Variants in CHLSN observed in about 807,000 individuals in gnomAD.
CHLSN encodes the protein cholesin, also known as protein cholesin.
the CHLSN span, among the ~76,000 whole-genome samples, chr7:1,068,396 G>A: frequency 2.0e-5 from 3 of 152,094 alleles, no homozygotes; most frequent in African/African-American, 7.2e-5. Context: ...CAGCCCCGGG[G>A]GTCTGTGACT....
the CHLSN span, among the ~76,000 whole-genome samples, chr7:1,017,751 G>A: frequency 3.3e-5 from 5 of 152,166 alleles, no homozygotes; most frequent in East Asian, 1.9e-4. Context: ...AGCCGCGGAC[G>A]GCGGGGAAGG....
chr7:1,136,183 ATT>A, the CHLSN span, among the ~76,000 whole-genome samples: 5 of 97,720 alleles, frequency 5.1e-5, no homozygotes, highest in Admixed American at 2.3e-4. Flanking sequence ...AATATACATA[ATT>A]ATAAATATAT....
chr7:988,338 C>G, the CHLSN span: 8 of 1,612,602 alleles, frequency 5.0e-6, no homozygotes, highest in Non-Finnish European at 6.8e-6. Flanking sequence ...TGGCAGACCC[C>G]AGGCCAGTTC....
the CHLSN span, among the ~76,000 whole-genome samples, chr7:1,072,056 G>A: frequency 1.3e-5 from 2 of 152,102 alleles, no homozygotes; most frequent in African/African-American, 2.4e-5. Context: ...CAGCGCTCAG[G>A]ATGGAAGAGC....
chr7:1,070,279 G>A, the CHLSN span, among the ~76,000 whole-genome samples: 1 of 143,906 alleles, frequency 6.9e-6, no homozygotes, highest in Admixed American at 6.8e-5. Context: ...CCCCCCGCCC[G>A]GCCAGCCGCC....
At chr7:988,708 G>A in the CHLSN span, 2 of 1,599,628 alleles carry the variant, frequency 1.3e-6, no homozygotes, top group African/African-American at 2.7e-5. Flanking sequence ...TCCTGCAGAG[G>A]TACCGCCTGC....
the CHLSN span, among the ~76,000 whole-genome samples, chr7:1,084,238 A>C: frequency 2.6e-5 from 4 of 152,206 alleles, no homozygotes; most frequent in Non-Finnish European, 5.9e-5. Flanking sequence ...GCCTGTGAGG[A>C]TCGGATGCCC....
the CHLSN span, among the ~76,000 whole-genome samples, chr7:1,050,349 G>A: frequency 1.3e-5 from 2 of 152,266 alleles, no homozygotes; most frequent in African/African-American, 4.8e-5. Context: ...GAGCAGAGCA[G>A]GGAGCCGTCC....
At chr7:993,454 C>T in the CHLSN span, among the ~76,000 whole-genome samples, 5 of 152,104 alleles carry the variant, frequency 3.3e-5, no homozygotes, top group South Asian at 2.1e-4. Flanking sequence ...AGCGCCGGCC[C>T]GGGCTGGAAG....
chr7:1,036,312 G>A, the CHLSN span, among the ~76,000 whole-genome samples: 32 of 151,782 alleles, frequency 2.1e-4, no homozygotes, highest in Admixed American at 1.6e-3. Flanking sequence ...TGCTGTGGCC[G>A]TGCAGGGTTC....
At chr7:1,068,383 G>A in the CHLSN span, among the ~76,000 whole-genome samples, 1 of 152,200 alleles carries the variant, frequency 6.6e-6, no homozygotes, top group Admixed American at 6.5e-5. Context: ...GCAGGGAGCA[G>A]GACAGCCCCG....
the CHLSN span, chr7:1,093,587 G>C: frequency 2.1e-6 from 1 of 471,178 alleles, no homozygotes; most frequent in Non-Finnish European, 4.4e-6. Flanking sequence ...CATCAACATG[G>C]CAATTGCACT....
At chr7:1,005,557 C>A in the CHLSN span, among the ~76,000 whole-genome samples, 9 of 152,244 alleles carry the variant, frequency 5.9e-5, no homozygotes, top group Non-Finnish European at 1.3e-4. Flanking sequence ...TGTCCCTCGG[C>A]AGCGGGGCAG....
chr7:1,100,145 C>A, the CHLSN span, among the ~76,000 whole-genome samples: 1 of 152,198 alleles, frequency 6.6e-6, no homozygotes, highest in African/African-American at 2.4e-5. Context: ...CTATACATGC[C>A]ACTTGCCTTT....
the CHLSN span, among the ~76,000 whole-genome samples, chr7:1,062,060 C>T: frequency 2.6e-5 from 4 of 152,352 alleles, no homozygotes; most frequent in East Asian, 1.9e-4. Flanking sequence ...TTTTTCAGCG[C>T]GTGACGTCCC....
the CHLSN span, chr7:1,059,028 A>G: frequency 5.6e-6 from 1 of 180,016 alleles, no homozygotes; most frequent in Admixed American, 5.5e-5. Flanking sequence ...CGCAGTCACC[A>G]CAGGGTTCTG....
chr7:1,130,453 G>T, the CHLSN span, among the ~76,000 whole-genome samples: 1 of 152,240 alleles, frequency 6.6e-6, no homozygotes, highest in East Asian at 1.9e-4. Context: ...GCCTGCTGCT[G>T]CAGCGAAGCC....
chr7:1,114,779 G>A, the CHLSN span, among the ~76,000 whole-genome samples: 2 of 152,268 alleles, frequency 1.3e-5, no homozygotes, highest in African/African-American at 4.8e-5. Context: ...GGTGGCCCGG[G>A]AGCCATTCTG....
the CHLSN span, among the ~76,000 whole-genome samples, chr7:1,014,456 C>T: frequency 0.021 from 3,157 of 152,352 alleles, 110 homozygotes; most frequent in African/African-American, 0.072. Context: ...CTGTGTGACA[C>T]GGGCCCTGTG....
Sources: gnomAD v4.1 joint callset for allele counts (sites outside exome capture counted in the v4.1 genomes callset) on GRCh38, gnomAD v4.1.1 for gene constraint, MANE v1.5 for transcripts, NCBI Gene and HGNC (gene_info 2026-07-23, HGNC 2026-07-21) for gene names.